FOXP1: variants seen among roughly 807,000 people sequenced by gnomAD.
The protein encoded by FOXP1 is forkhead box protein P1.
In FOXP1, 15 loss-of-function variants were observed where a neutral mutation model predicts 98.2. That is an observed-to-expected ratio of 0.15 (90% CI 0.10 to 0.24). The LOEUF (loss-of-function observed/expected upper bound fraction) is 0.24. Ranked by LOEUF, FOXP1 falls within the 10% of genes least tolerant of loss-of-function variation. The pLI is 1.00. For synonymous variants in FOXP1, 371 were observed against 314.5 expected (o/e 1.18, Z -1.90); for missense variants, 633 against 848.5 (o/e 0.75, Z 3.15).
intron 4 of FOXP1, among the ~76,000 whole-genome samples, chr3:71,312,144 T>C (rs896141038): frequency 6.6e-6 from 1 of 152,214 alleles, no homozygotes; most frequent in Non-Finnish European, 1.5e-5. Context: ...GGACACTTAA[T>C]GGAAGCCTGG....
rs1441958650 is a variant in FOXP1 at position 70,977,025 on chromosome 3, T to C, written c.1446A>G (p.Pro482=). 1.2e-6 allele frequency: 2 copies of C among 1,613,566 alleles called. No homozygotes were observed. The highest frequency in any genetic ancestry group is 2.7e-5 in the African/African-American group (2 of 74,934). ...TCTCATTTAGTGTTAGCTGCTTTTCTGGAGATTCGAGAATGGCCTGTGAAG... is the reference window on the plus strand; with the variant it reads ...TCTCATTTAGTGTTAGCTGCTTTTCCGGAGATTCGAGAATGGCCTGTGAAG... The part of the protein sequence containing the change: ...SLIRQAILES[P]EKQLTLNEIY... Residue 482 remains proline (P), a synonymous_variant, in exon 17 of 21, where the codon CCA becomes CCG. Transcript: ENST00000649528.
At chr3:71,197,852 T>G in intron 6 of FOXP1, 1 of 1,610,268 alleles carries the variant, frequency 6.2e-7, no homozygotes, top group Non-Finnish European at 8.5e-7. Flanking sequence ...TCGTTTAATT[T>G]TTATTTTTGC....
intron 5 of FOXP1, among the ~76,000 whole-genome samples, chr3:71,224,547 C>T (rs1019884755): frequency 1.3e-5 from 2 of 152,252 alleles, no homozygotes; most frequent in East Asian, 1.9e-4. Flanking sequence ...TGTGATCAAA[C>T]GGAGGACTGG....
intron 2 of FOXP1, among the ~76,000 whole-genome samples, chr3:71,507,582 CT>C (rs1209581927): frequency 1.8e-3 from 257 of 144,132 alleles, no homozygotes; most frequent in Admixed American, 1.7e-3. Flanking sequence ...TGCAAAACTG[CT>C]TTTTTTTTTT....
At chr3:71,288,915 C>G (rs531005913) in intron 5 of FOXP1, among the ~76,000 whole-genome samples, 1 of 152,334 alleles carries the variant, frequency 6.6e-6, no homozygotes, top group African/African-American at 2.4e-5. Flanking sequence ...CTAACTCTTA[C>G]TAAGGTCATC....
At chr3:71,548,297 A>C (rs962021001) in intron 2 of FOXP1, among the ~76,000 whole-genome samples, 3 of 152,208 alleles carry the variant, frequency 2.0e-5, no homozygotes, top group Admixed American at 1.3e-4. Flanking sequence ...ACAAATACAC[A>C]CACACACAAA....
At chr3:71,057,791 AG>A (rs1033770619) in intron 7 of FOXP1, among the ~76,000 whole-genome samples, 2 of 152,108 alleles carry the variant, frequency 1.3e-5, no homozygotes, top group Non-Finnish European at 2.9e-5. Flanking sequence ...GGTCGATCCC[AG>A]GTGCACCCAA....
intron 7 of FOXP1, among the ~76,000 whole-genome samples, chr3:71,106,760 G>C (rs913668131): frequency 7.6e-6 from 1 of 132,262 alleles, no homozygotes; most frequent in Non-Finnish European, 1.6e-5. Flanking sequence ...AGTTGCACCT[G>C]GTTCAAATAG....
At chr3:71,439,730 G>C (rs2085729757) in intron 3 of FOXP1, among the ~76,000 whole-genome samples, 1 of 152,156 alleles carries the variant, frequency 6.6e-6, no homozygotes, top group South Asian at 2.1e-4. Flanking sequence ...GGTCATTTCA[G>C]GTCAGGAGTT....
At chr3:71,515,166 A>C (rs904665058) in intron 2 of FOXP1, among the ~76,000 whole-genome samples, 2 of 152,064 alleles carry the variant, frequency 1.3e-5, no homozygotes. Context: ...TCATAACCAA[A>C]ACAGGCCTTT....
At chr3:71,466,909 T>C (rs2088815608) in intron 3 of FOXP1, among the ~76,000 whole-genome samples, 1 of 152,224 alleles carries the variant, frequency 6.6e-6, no homozygotes, top group African/African-American at 2.4e-5. Flanking sequence ...TATCCTTGGA[T>C]ACGTTTTGTT....
intron 3 of FOXP1, among the ~76,000 whole-genome samples, chr3:71,472,003 T>C (rs951463126): frequency 6.6e-6 from 1 of 152,208 alleles, no homozygotes; most frequent in Non-Finnish European, 1.5e-5. Flanking sequence ...TGGTAGAAGA[T>C]GGCCAAATGT....
rs139537986 is a variant in FOXP1 at position 71,408,433 on chromosome 3, C to A, written c.-167-49189G>T. Reference sequence around the variant, plus strand: ...AGGCTCGCACACAGCCGTTACCATGCGCACATTCACGAGGTTTTTAAATAT... The same window carrying A: ...AGGCTCGCACACAGCCGTTACCATGAGCACATTCACGAGGTTTTTAAATAT... On this transcript the variant is annotated intron_variant, in intron 3 of 20. Coordinates refer to ENST00000649528, the MANE Select transcript of FOXP1 (RefSeq NM_001349338.3). Among the ~76,000 whole-genome samples, 222 of 152,278 alleles carry A rather than the reference C, an allele frequency of 1.5e-3. 1 individual carries two copies. Among genetic ancestry groups the A allele is most frequent in the African/African-American group, 5.2e-3 (216 of 41,556 alleles).
chr3:70,993,302 C>T (rs780917392), intron 13 of FOXP1, among the ~76,000 whole-genome samples: 34 of 152,172 alleles, frequency 2.2e-4, no homozygotes, highest in Non-Finnish European at 3.2e-4. Context: ...ATGGAATGCC[C>T]AGGACAGAGC....
At chr3:71,076,927 T>A (rs114896426) in intron 7 of FOXP1, among the ~76,000 whole-genome samples, 1,915 of 152,300 alleles carry the variant, frequency 0.013, 38 homozygotes, top group African/African-American at 0.041. Flanking sequence ...GATGTTTGAG[T>A]CAGTGGATCT....
intron 3 of FOXP1, among the ~76,000 whole-genome samples, chr3:71,474,581 C>T (rs1225986008): frequency 6.6e-6 from 1 of 152,144 alleles, no homozygotes; most frequent in East Asian, 1.9e-4. Flanking sequence ...TGCCTCCTGT[C>T]ACATAAGCAG....
At chr3:71,378,519 C>G (rs1248025823) in intron 3 of FOXP1, among the ~76,000 whole-genome samples, 5 of 152,144 alleles carry the variant, frequency 3.3e-5, no homozygotes, top group Non-Finnish European at 5.9e-5. Flanking sequence ...TCCAGGGTCT[C>G]CATGCTGTCT....
chr3:71,204,243 A>G (rs907867119), intron 5 of FOXP1, among the ~76,000 whole-genome samples: 4 of 152,218 alleles, frequency 2.6e-5, no homozygotes, highest in Admixed American at 1.3e-4. Flanking sequence ...ATTATGATAT[A>G]AAGCATACAT....
intron 3 of FOXP1, among the ~76,000 whole-genome samples, chr3:71,456,457 T>C (rs901025714): frequency 6.6e-6 from 1 of 152,190 alleles, no homozygotes; most frequent in Non-Finnish European, 1.5e-5. Flanking sequence ...ATATTTCATA[T>C]ACATATTGTC....
Sources: gnomAD v4.1 joint callset for allele counts (sites outside exome capture counted in the v4.1 genomes callset) on GRCh38, gnomAD v4.1.1 for gene constraint, MANE v1.5 for transcripts, NCBI Gene and HGNC (gene_info 2026-07-23, HGNC 2026-07-21) for gene names.